C19orf47: variants seen among roughly 807,000 people sequenced by gnomAD.
The protein encoded by C19orf47 is chromosome 19 open reading frame 47.
C19orf47 carries 18 observed loss-of-function variants against 32.3 expected under a neutral mutation model. The ratio of observed to expected loss-of-function variants is 0.56; its 90% CI spans 0.39 to 0.83. The LOEUF is 0.83. Among genes scored for constraint, C19orf47 ranks in the 40% least tolerant of loss-of-function variants. The probability of loss-of-function intolerance (pLI) is 0.00; values close to 1 mark genes in which losing one functional copy is unlikely to be tolerated. For synonymous variants in C19orf47, 202 were observed against 211.1 expected, an observed-to-expected ratio of 0.96 and a Z score of 0.37; for missense variants, 484 against 531.6, an observed-to-expected ratio of 0.91 and a Z score of 0.88.
At chr19:40,339,432 T>G (rs1411742592) in intron 2 of C19orf47, among the ~76,000 whole-genome samples, 1 of 152,220 alleles carries the variant, frequency 6.6e-6, no homozygotes, top group Non-Finnish European at 1.5e-5. Context: ...GCAGTTTGTC[T>G]GTGATAGCTC....
At chr19:40,313,916 G>A in the C19orf47 span, among the ~76,000 whole-genome samples, 1 of 151,144 alleles carries the variant, frequency 6.6e-6, no homozygotes, top group African/African-American at 2.4e-5. Context: ...GGGCAACAGA[G>A]GGAGACTCTG....
rs186069008 is a variant in C19orf47 at position 40,333,574 on chromosome 19, G to A, written c.301+277C>T. On this transcript the variant is annotated intron_variant, in intron 5 of 8. Transcript: ENST00000683109. ...ACCTAGTATTTCCCATAGGAGCAAC[G>A]GATTCTCCATTGCTCTGTATTTCTT... is the stretch of plus-strand genomic sequence containing the variant. 5.9e-5 allele frequency among the ~76,000 whole-genome samples: 9 copies of A among 152,232 alleles called. No individual in the cohort carries two copies. In the South Asian group the frequency reaches 8.3e-4, roughly 14 times the overall value.
chr19:40,319,289 A>AAAAAT (rs911641161), downstream of C19orf47, among the ~76,000 whole-genome samples: 42 of 148,360 alleles, frequency 2.8e-4, no homozygotes, highest in Non-Finnish European at 5.5e-4. Context: ...AATAAACAAT[A>AAAAAT]AAAATAAAAT....
chr19:40,322,135 C>T lies in C19orf47; in HGVS notation c.905G>A (p.Gly302Glu). The change falls in exon 9 of 9, where the codon GGG (glycine) becomes GAG (glutamate). Residue 302 changes from glycine (G) to glutamate (E), a missense_variant. Around this residue, in one of 3 missense-constraint regions of C19orf47, gnomAD observed 376 missense variants for 370.2 expected, o/e 1.02. Transcript: ENST00000683109. ...LRRLALSSRSGLERKPESLSK... is the reference protein window; with the variant it reads ...LRRLALSSRSELERKPESLSK... Reference sequence around the variant, plus strand: ...CAAGGACTCCGGCTTCCTCTCAAGCCCAGACCGTGAGGAAAGCGCCAGGCG... The same window carrying T: ...CAAGGACTCCGGCTTCCTCTCAAGCTCAGACCGTGAGGAAAGCGCCAGGCG... The T allele has an allele frequency of 6.2e-7, 1 of 1,614,036 alleles. No individual in the cohort carries two copies. The highest frequency in any genetic ancestry group is 8.5e-7 in the Non-Finnish European group (1 of 1,180,042).
intron 7 of C19orf47, among the ~76,000 whole-genome samples, chr19:40,325,926 C>T (rs1276312992): frequency 6.6e-6 from 1 of 152,192 alleles, no homozygotes; most frequent in East Asian, 1.9e-4. Flanking sequence ...AGGTGTGCGT[C>T]ACCACACCCG....
the C19orf47 span, among the ~76,000 whole-genome samples, chr19:40,293,460 T>C: frequency 6.7e-6 from 1 of 148,382 alleles, no homozygotes; most frequent in Non-Finnish European, 1.5e-5. Context: ...TTTGCTACTT[T>C]TTGTTTGTTT....
intron 1 of C19orf47, among the ~76,000 whole-genome samples, chr19:40,344,432 T>C (rs542139932): frequency 1.3e-5 from 2 of 151,296 alleles, no homozygotes; most frequent in African/African-American, 4.9e-5. Flanking sequence ...TGGGCCGAGA[T>C]CACACCACTG....
chr19:40,339,304 C>T (rs1362988753), intron 2 of C19orf47: 1 of 152,276 alleles, frequency 6.6e-6, no homozygotes, highest in Non-Finnish European at 1.5e-5. Context: ...TCATAAGGCA[C>T]TGGCTGTAAG....
the C19orf47 span, among the ~76,000 whole-genome samples, chr19:40,300,397 G>A: frequency 3.3e-5 from 5 of 152,036 alleles, no homozygotes; most frequent in South Asian, 2.1e-4. Flanking sequence ...CCCAGGAGGC[G>A]GAGGTTGCAG....
At chr19:40,313,475 C>T in the C19orf47 span, among the ~76,000 whole-genome samples, 1 of 152,116 alleles carries the variant, frequency 6.6e-6, no homozygotes, top group African/African-American at 2.4e-5. Context: ...CAGCCATGCG[C>T]CACCACGCCG....
chr19:40,315,935 G>A (rs2077659173), downstream of C19orf47, among the ~76,000 whole-genome samples: 2 of 152,106 alleles, frequency 1.3e-5, no homozygotes, highest in Admixed American at 6.6e-5. Flanking sequence ...TCCAGTCTGG[G>A]TGACAGAGCA....
chr19:40,297,440 C>T, the C19orf47 span, among the ~76,000 whole-genome samples: 1 of 152,042 alleles, frequency 6.6e-6, no homozygotes, highest in Non-Finnish European at 1.5e-5. Flanking sequence ...TGGTGGCTCA[C>T]GCCTGTAATC....
chr19:40,299,966 T>C, the C19orf47 span, among the ~76,000 whole-genome samples: 3 of 151,078 alleles, frequency 2.0e-5, no homozygotes, highest in Admixed American at 2.0e-4. Flanking sequence ...GGGGCGGAGG[T>C]TGCAGAGAGC....
the C19orf47 span, among the ~76,000 whole-genome samples, chr19:40,295,916 T>G: frequency 1.3e-5 from 2 of 152,046 alleles, no homozygotes; most frequent in Admixed American, 6.6e-5. Flanking sequence ...CTGGCTAATA[T>G]TTTTAGTTTT....
the C19orf47 span, among the ~76,000 whole-genome samples, chr19:40,308,797 C>CT: frequency 6.6e-6 from 1 of 152,016 alleles, no homozygotes; most frequent in Non-Finnish European, 1.5e-5. Flanking sequence ...AACAAAAGCA[C>CT]AGTGGCTCAA....
At chr19:40,346,469 A>G (rs2078284023) in intron 1 of C19orf47, among the ~76,000 whole-genome samples, 1 of 146,500 alleles carries the variant, frequency 6.8e-6, no homozygotes, top group Admixed American at 6.9e-5. Context: ...AAATAAATAA[A>G]TAAATAAATA....
At chr19:40,296,444 C>T in the C19orf47 span, among the ~76,000 whole-genome samples, 7 of 151,998 alleles carry the variant, frequency 4.6e-5, no homozygotes, top group African/African-American at 1.4e-4. Flanking sequence ...CCATGCCTGG[C>T]TAATTTTTTG....
chr19:40,322,852 G>C (rs1236112854), intron 8 of C19orf47, among the ~76,000 whole-genome samples: 1 of 152,188 alleles, frequency 6.6e-6, no homozygotes, highest in East Asian at 1.9e-4. Context: ...CAGTCCAGTG[G>C]GGAAGACAGG....
rs2077713561 is a variant in C19orf47, at chr19:40,321,321, G to T, written c.*561C>A. The T allele has an allele frequency of 1.0e-6, 1 of 986,582 alleles. No individual in the cohort carries two copies. The highest frequency in any genetic ancestry group is 1.7e-5 in the African/African-American group (1 of 57,250). The allele number at this position is 986,582 out of a possible 1,614,324, so 61.1% of individuals were successfully genotyped here. A position where few individuals can be genotyped will look rare whatever the true frequency, so the allele number is the denominator to read the frequency against. On this transcript the variant is annotated 3_prime_UTR_variant, in exon 9 of 9. Transcript: ENST00000683109. ...CGCTGGGAGGCCGGAGGTACAGGAG[G>T]GTCGGGCAGGACGCAGCGGACAGTC...
Sources: allele counts gnomAD v4.1 joint callset (sites outside exome capture counted in the v4.1 genomes callset), GRCh38; gene constraint gnomAD v4.1.1; regional missense constraint gnomAD v4.1.1; transcripts MANE v1.5; gene names NCBI Gene and HGNC (gene_info 2026-07-23, HGNC 2026-07-21).